SF3B3: variants seen among roughly 807,000 people sequenced by gnomAD.
SF3B3 encodes the protein SAP 130.
Under a neutral mutation model 139.2 loss-of-function variants are expected in SF3B3, and 33 were observed. The observed-to-expected ratio is 0.24, with a 90% confidence interval of 0.18 to 0.32. The LOEUF (loss-of-function observed/expected upper bound fraction) is 0.32. Among genes scored for constraint, SF3B3 ranks in the 10% least tolerant of loss-of-function variants. SF3B3 has a pLI of 1.00. For synonymous variants in SF3B3, 596 were observed against 563.6 expected (o/e 1.06, Z -0.81); for missense variants, 818 against 1,509.4 (o/e 0.54, Z 7.59).
Position 70,539,103 on chromosome 16 carries a change from G to T in SF3B3, c.964-1G>T. Reference sequence around the variant, plus strand: ...CACCAGAATGTTTCTTTTCTCACCAGGTTACTGAGATCCGGCTCAAATATT... The same window carrying T: ...CACCAGAATGTTTCTTTTCTCACCATGTTACTGAGATCCGGCTCAAATATT... On this transcript the variant is annotated splice_acceptor_variant, in intron 7 of 25. Transcript: ENST00000302516. LOFTEE classifies it high-confidence loss of function. The T allele has an allele frequency of 1.2e-6, 2 of 1,608,292 alleles. No homozygotes were observed. Among genetic ancestry groups the T allele is most frequent in the Non-Finnish European group, 1.7e-6 (2 of 1,174,668 alleles).
intron 1 of SF3B3, 122 bp from the exon 2 acceptor site, chr16:70,526,465 T>C (rs374830446): frequency 7.1e-6 from 4 of 560,452 alleles, no homozygotes; most frequent in African/African-American, 5.8e-5. Context: ...CCCGGTCACA[T>C]ATGTTGTTTC....
Position 70,564,062 on chromosome 16 carries a change from A to C in SF3B3, c.2463+12A>C. On this transcript the variant is annotated intron_variant, in intron 18 of 25. Coordinates refer to ENST00000302516, the MANE Select transcript of SF3B3 (RefSeq NM_012426.5). The stretch of plus-strand genomic sequence containing the variant: ...AGCAGATGGCAGAGGTAATGAGACT[A>C]ACGTTCAGGGGTTCTATTAAAAGAT... 6.2e-7 allele frequency: 1 copy of C among 1,612,466 alleles called. No individual in the cohort carries two copies. Among genetic ancestry groups the C allele is most frequent in the Non-Finnish European group, 8.5e-7 (1 of 1,179,292 alleles).
At chr16:70,564,879 C>T (rs1479475636) in intron 18 of SF3B3, among the ~76,000 whole-genome samples, 186 bp from the exon 19 acceptor site, 1 of 152,180 alleles carries the variant, frequency 6.6e-6, no homozygotes, top group Non-Finnish European at 1.5e-5. Flanking sequence ...CCTTTCTGAT[C>T]TTCTGTCTTC....
chr16:70,559,683 T>C (rs761962049), intron 15 of SF3B3, among the ~76,000 whole-genome samples: 6 of 152,000 alleles, frequency 3.9e-5, no homozygotes, highest in Non-Finnish European at 8.8e-5. Flanking sequence ...TGAGAACCTG[T>C]CTCAATAAAT....
intron 18 of SF3B3, among the ~76,000 whole-genome samples, chr16:70,564,668 C>T (rs931866046): frequency 3.3e-5 from 5 of 152,174 alleles, no homozygotes; most frequent in African/African-American, 1.2e-4. Flanking sequence ...TAGCAGAAAC[C>T]AAATAGCTAC....
chr16:70,566,155 C>G (rs945146482), intron 20 of SF3B3, among the ~76,000 whole-genome samples: 1 of 151,606 alleles, frequency 6.6e-6, no homozygotes, highest in Admixed American at 6.6e-5. Context: ...CACCTGCATT[C>G]TCTGGGAAGT....
At chr16:70,560,701 A>G in intron 16 of SF3B3, 110 bp downstream of exon 16, 1 of 1,277,370 alleles carries the variant, frequency 7.8e-7, no homozygotes, top group East Asian at 2.6e-5. Flanking sequence ...CTCCATCTTG[A>G]TTGGTTTCCT....
chr16:70,540,612 C>G lies in SF3B3; in HGVS notation c.1068-1057C>G, dbSNP rs938895931. 9.2e-5 allele frequency among the ~76,000 whole-genome samples: 14 copies of G among 152,240 alleles called. 1 individual carries two copies. The highest frequency in any genetic ancestry group is 2.0e-4 in the Admixed American group (3 of 15,296). On this transcript the variant is annotated intron_variant, in intron 8 of 25. Transcript: ENST00000302516. ...TCTGGACTTAAGCAATCCAAGCAAT[C>G]CACCTGCCTCAGTCTCCCAATGTGC... is the stretch of plus-strand genomic sequence containing the variant.
chr16:70,557,126 T>C, intron 15 of SF3B3, 97 bp downstream of exon 15: 1 of 1,301,570 alleles, frequency 7.7e-7, no homozygotes, highest in South Asian at 1.5e-5. Flanking sequence ...GCCCATGGTT[T>C]CAGATCCTCA....
At chr16:70,532,743 T>C in intron 5 of SF3B3, 123 bp downstream of exon 5, 1 of 964,296 alleles carries the variant, frequency 1.0e-6, no homozygotes, top group Non-Finnish European at 1.6e-6. Flanking sequence ...ATACCTTATC[T>C]TTTGGACAGG....
chr16:70,532,629 C>T lies in SF3B3; in HGVS notation c.712+9C>T. 1 of 1,613,870 alleles carries T rather than the reference C, an allele frequency of 6.2e-7. No homozygotes were observed. The highest frequency in any genetic ancestry group is 8.5e-7 in the Non-Finnish European group (1 of 1,179,776). ...CAACTTCCTTATTACAGGTACTTTT[C>T]TTTCAGAGCTGCTTTGTACCCTTTT... is the stretch of plus-strand genomic sequence containing the variant. On this transcript the variant is annotated intron_variant, in intron 5 of 25. Coordinates refer to ENST00000302516, the MANE Select transcript of SF3B3 (RefSeq NM_012426.5).
Position 70,570,108 on chromosome 16 carries a change from T to C in SF3B3, c.3367T>C (p.Ser1123Pro), listed in dbSNP as rs2050514296. 8 of 1,614,164 alleles carry C rather than the reference T, an allele frequency of 5.0e-6. No individual in the cohort carries two copies. Among genetic ancestry groups the C allele is most frequent in the Non-Finnish European group, 6.8e-6 (8 of 1,180,038 alleles). The change falls in exon 24 of 26, where the codon TCT (serine) becomes CCT (proline). Residue 1123 changes from serine to proline, a missense_variant. Coordinates refer to ENST00000302516, the MANE Select transcript of SF3B3 (RefSeq NM_012426.5). ...GSESLVYTTL[S>P]GGIGILVPFT... is the part of the protein sequence containing the mutation. ...AGAATCACTTGTCTATACCACCTTG[T>C]CTGGAGGAATTGGCATCCTTGTGCC...
chr16:70,556,099 A>G, intron 13 of SF3B3, 80 bp from the exon 14 acceptor site: 1 of 1,431,318 alleles, frequency 7.0e-7, no homozygotes. Flanking sequence ...CATTCTCTGG[A>G]TCCAGGGTTT....
intron 18 of SF3B3, among the ~76,000 whole-genome samples, chr16:70,564,579 CTG>C (rs1241706499): frequency 2.0e-5 from 3 of 152,172 alleles, no homozygotes; most frequent in African/African-American, 7.2e-5. Flanking sequence ...CCAAAATAGA[CTG>C]TATTTCCTTT....
At chr16:70,536,263 G>T (rs753811324) in intron 6 of SF3B3, among the ~76,000 whole-genome samples, 2 of 151,774 alleles carry the variant, frequency 1.3e-5, no homozygotes. Flanking sequence ...TGCCCCCCGG[G>T]TTCAAGTGAT....
intron 16 of SF3B3, 36 bp downstream of exon 16, chr16:70,560,627 G>T (rs1424226158): frequency 6.2e-7 from 1 of 1,607,802 alleles, no homozygotes; most frequent in Non-Finnish European, 8.5e-7. Context: ...CAACATCTTT[G>T]GGATTTTAGT....
chr16:70,567,259 C>G, intron 20 of SF3B3, 152 bp from the exon 21 acceptor site: 1 of 781,988 alleles, frequency 1.3e-6, no homozygotes, highest in South Asian at 1.9e-5. Context: ...GGAACTTGTT[C>G]ACCCCAACAC....
At chr16:70,564,126 T>A (rs2050454112) in intron 18 of SF3B3, 76 bp downstream of exon 18, 1 of 1,470,780 alleles carries the variant, frequency 6.8e-7, no homozygotes. Flanking sequence ...TGCCCGGCAC[T>A]TTGGGAGGCT....
intron 15 of SF3B3, among the ~76,000 whole-genome samples, chr16:70,559,358 G>C (rs978357566): frequency 3.3e-5 from 5 of 152,120 alleles, no homozygotes; most frequent in African/African-American, 1.2e-4. Flanking sequence ...ACTCCTTTCA[G>C]TGGGGCCCAG....
Sources: allele counts gnomAD v4.1 joint callset (sites outside exome capture counted in the v4.1 genomes callset), GRCh38; gene constraint gnomAD v4.1.1; transcripts MANE v1.5; gene names NCBI Gene and HGNC (gene_info 2026-07-23, HGNC 2026-07-21).